The following BOLA3 variants were observed in gnomAD, a reference collection of about 807,000 sequenced individuals.
BOLA3 encodes the protein bolA family member 3, also known as bolA-like protein 3.
In BOLA3, 8 loss-of-function variants were observed where a neutral mutation model predicts 14.5. That is an observed-to-expected ratio of 0.55 (90% CI 0.32 to 0.99). The LOEUF is 0.99. Among genes scored for constraint, BOLA3 ranks in the 50% least tolerant of loss-of-function variants. The pLI is 0.04. For synonymous variants in BOLA3, 42 were observed against 45.7 expected (o/e 0.92, Z 0.33); for missense variants, 115 against 138.2 (o/e 0.83, Z 0.84).
At chr2:74,140,215 C>T (rs192533755) in intron 3 of BOLA3, among the ~76,000 whole-genome samples, 50 of 152,144 alleles carry the variant, frequency 3.3e-4, no homozygotes, top group African/African-American at 1.0e-3. Flanking sequence ...ACCCAGGAGG[C>T]AGAGGTTGCA....
intron 2 of BOLA3, among the ~76,000 whole-genome samples, chr2:74,144,005 A>AT (rs3045553): frequency 0.024 from 2,807 of 115,592 alleles, 96 homozygotes; most frequent in African/African-American, 0.069. Flanking sequence ...GCCCCAGCAG[A>AT]TTTTTTTTTT....
chr2:74,137,999 G>GA (rs925957561), intron 3 of BOLA3, among the ~76,000 whole-genome samples: 2 of 152,182 alleles, frequency 1.3e-5, no homozygotes, highest in African/African-American at 4.8e-5. Context: ...ACCTTCATGT[G>GA]ACTGACCCTG....
chr2:74,135,730 T>G, intron 3 of BOLA3, 72 bp from the exon 4 acceptor site: 1 of 1,133,138 alleles, frequency 8.8e-7, no homozygotes, highest in Non-Finnish European at 1.3e-6. Flanking sequence ...GAGAGTATTT[T>G]TATACAGCTC....
chr2:74,139,698 C>A (rs1692401541), intron 3 of BOLA3, among the ~76,000 whole-genome samples: 1 of 152,214 alleles, frequency 6.6e-6, no homozygotes, highest in South Asian at 2.1e-4. Flanking sequence ...ACACAAGTGT[C>A]AGCCCCCTAA....
At chr2:74,136,452 A>AT (rs1358022720) in intron 3 of BOLA3, among the ~76,000 whole-genome samples, 8 of 152,090 alleles carry the variant, frequency 5.3e-5, no homozygotes, top group South Asian at 4.2e-4. Context: ...ACATTTTGAG[A>AT]TTTTTTTTGA....
intron 2 of BOLA3, among the ~76,000 whole-genome samples, chr2:74,142,794 T>G (rs146244881): frequency 6.6e-6 from 1 of 152,296 alleles, no homozygotes; most frequent in Non-Finnish European, 1.5e-5. Context: ...TTGAAAACTG[T>G]GTAATACTGT....
chr2:74,139,583 T>C (rs1692399912), intron 3 of BOLA3, among the ~76,000 whole-genome samples: 1 of 152,158 alleles, frequency 6.6e-6, no homozygotes, highest in African/African-American at 2.4e-5. Context: ...CCAACAGACT[T>C]GTTCCTGAAG....
At position 74,142,341 on chromosome 2, in the gene BOLA3, A is replaced by G. The variant is rs1692450869; in HGVS notation, c.189T>C (p.Tyr63=). Residue 63 remains tyrosine, a synonymous_variant, in exon 3 of 4, where the codon TAT becomes TAC. Coordinates refer to ENST00000327428, the MANE Select transcript of BOLA3 (RefSeq NM_212552.3). The part of the protein sequence containing the change: ...TDISGGCGAM[Y]EIKIESEEFK... ...ATTCTTCTGATTCAATTTTAATTTCATACATCGCCCCACAACCTCCTAAAA... is the reference window on the plus strand; with the variant it reads ...ATTCTTCTGATTCAATTTTAATTTCGTACATCGCCCCACAACCTCCTAAAA... The G allele has an allele frequency of 1.2e-6, 2 of 1,613,330 alleles. No homozygotes were observed. Among genetic ancestry groups the G allele is most frequent in the East Asian group, 2.2e-5 (1 of 44,894 alleles).
At chr2:74,137,898 G>A (rs917478194) in intron 3 of BOLA3, among the ~76,000 whole-genome samples, 9 of 152,218 alleles carry the variant, frequency 5.9e-5, no homozygotes, top group Non-Finnish European at 1.0e-4. Flanking sequence ...CTCTGCAGGC[G>A]TGGAATGCTC....
chr2:74,147,520 C>CT (rs111242158), intron 1 of BOLA3: 1,048 of 440,978 alleles, frequency 2.4e-3, no homozygotes, highest in East Asian at 3.8e-3. Context: ...TAAACCAATC[C>CT]TTTTTTTTTC....
At chr2:74,142,386 T>A in intron 2 of BOLA3, 26 bp from the exon 3 acceptor site, 2 of 1,560,398 alleles carry the variant, frequency 1.3e-6, no homozygotes, top group African/African-American at 1.3e-5. Flanking sequence ...TTCAAAAGCA[T>A]TTCAATTATT....
intron 3 of BOLA3, among the ~76,000 whole-genome samples, chr2:74,136,633 A>C (rs1289653901): frequency 6.6e-6 from 1 of 152,210 alleles, no homozygotes; most frequent in East Asian, 1.9e-4. Context: ...TGTTAGGCAT[A>C]TATGGGTGTC....
At chr2:74,139,712 T>G (rs1162240257) in intron 3 of BOLA3, among the ~76,000 whole-genome samples, 1 of 152,206 alleles carries the variant, frequency 6.6e-6, no homozygotes, top group Non-Finnish European at 1.5e-5. Context: ...CCCCTAAGAA[T>G]GTACTGTGGC....
intron 3 of BOLA3, among the ~76,000 whole-genome samples, chr2:74,136,027 G>A (rs1180949365): frequency 6.7e-6 from 1 of 149,634 alleles, no homozygotes; most frequent in Admixed American, 6.8e-5. Context: ...TCGGCTTACT[G>A]CAAACTCCAC....
At chr2:74,140,526 G>C (rs1027277715) in intron 3 of BOLA3, among the ~76,000 whole-genome samples, 2 of 152,128 alleles carry the variant, frequency 1.3e-5, no homozygotes, top group Non-Finnish European at 2.9e-5. Flanking sequence ...GCCTGCTTTC[G>C]AGGGGGAATG....
chr2:74,143,137 G>A (rs980016098), intron 2 of BOLA3, among the ~76,000 whole-genome samples: 2 of 151,688 alleles, frequency 1.3e-5, no homozygotes, highest in Non-Finnish European at 1.5e-5. Context: ...GAGGTGCAAC[G>A]TACTCAACAG....
intron 3 of BOLA3, among the ~76,000 whole-genome samples, chr2:74,135,925 A>G (rs1035831562): frequency 6.6e-6 from 1 of 150,650 alleles, no homozygotes; most frequent in Non-Finnish European, 1.5e-5. Flanking sequence ...TCCCAAAAGA[A>G]CTGTTGTTAG....
intron 1 of BOLA3, chr2:74,146,766 C>G (rs1328895497): frequency 6.6e-6 from 1 of 152,396 alleles, no homozygotes; most frequent in Non-Finnish European, 1.5e-5. Context: ...CACTGGCTCT[C>G]TCACCACTGG....
intron 1 of BOLA3, 97 bp downstream of exon 1, chr2:74,147,724 C>G: frequency 1.6e-6 from 2 of 1,287,886 alleles, no homozygotes; most frequent in Non-Finnish European, 2.2e-6. Context: ...CGCGCGCCCT[C>G]CGGGAGCCAG....
Sources: gnomAD v4.1 joint callset for allele counts (sites outside exome capture counted in the v4.1 genomes callset) on GRCh38, gnomAD v4.1.1 for gene constraint, MANE v1.5 for transcripts, NCBI Gene and HGNC (gene_info 2026-07-23, HGNC 2026-07-21) for gene names.